Variants in EVC2 observed in about 807,000 individuals in gnomAD.
EVC2 encodes the protein EvC ciliary complex subunit 2, also known as limbin.
A neutral mutation model predicts 149.3 loss-of-function variants in EVC2; 148 were observed. The ratio of observed to expected loss-of-function variants is 0.99; its 90% CI spans 0.87 to 1.14. The LOEUF (loss-of-function observed/expected upper bound fraction) is 1.14, where lower values mean the gene tolerates loss of function less well. Ranked by LOEUF, EVC2 falls within the 50% of genes most tolerant of loss-of-function variation. The pLI is 0.00. For synonymous variants in EVC2, 776 were observed against 649.9 expected, an observed-to-expected ratio of 1.19 and a Z score of -2.95; for missense variants, 1,854 against 1,627.3, an observed-to-expected ratio of 1.14 and a Z score of -2.40.
At chr4:5,591,145 T>A (rs1424400591) in intron 16 of EVC2, among the ~76,000 whole-genome samples, 1 of 152,208 alleles carries the variant, frequency 6.6e-6, no homozygotes, top group Non-Finnish European at 1.5e-5. Context: ...CACTTGTGCA[T>A]GTTTCTCGTT....
intron 16 of EVC2, among the ~76,000 whole-genome samples, chr4:5,588,557 T>C (rs368204268): frequency 7.2e-5 from 11 of 152,288 alleles, no homozygotes; most frequent in African/African-American, 2.6e-4. Flanking sequence ...AGTTGTCTCA[T>C]GGCTCACTTT....
chr4:5,678,725 T>C (rs1351419669), intron 7 of EVC2, among the ~76,000 whole-genome samples: 2 of 152,196 alleles, frequency 1.3e-5, no homozygotes, highest in Non-Finnish European at 2.9e-5. Flanking sequence ...ACGTACTAAG[T>C]ATTTGTATAT....
chr4:5,544,182 A>G (rs1577086015), intron 21 of EVC2, among the ~76,000 whole-genome samples: 1 of 152,084 alleles, frequency 6.6e-6, no homozygotes, highest in South Asian at 2.1e-4. Context: ...GACAGGGCTT[A>G]CCTGGCCACA....
intron 20 of EVC2, among the ~76,000 whole-genome samples, chr4:5,568,054 C>T (rs1458164134): frequency 6.6e-6 from 1 of 152,168 alleles, no homozygotes; most frequent in Non-Finnish European, 1.5e-5. Context: ...ACATGCACAA[C>T]ACACTCACAC....
In EVC2 at chr4:5,685,474, C is replaced by A. The variant is rs1720638557; in HGVS notation, c.712G>T (p.Asp238Tyr). Residue 238 changes from aspartate (D) to tyrosine (Y), a missense_variant, in exon 6 of 22, where the codon GAT (aspartate) becomes TAT (tyrosine). Transcript: ENST00000344408. The stretch of plus-strand genomic sequence containing the variant: ...GCTGCGTAGCTGACAGCAAAGGCAT[C>A]TCCCACTGCGCAGAGAAAAGCACAT... Reference protein sequence around the residue: ...AFSKKFLQVGDAFAVSYAATL... With the variant: ...AFSKKFLQVGYAFAVSYAATL... The A allele has an allele frequency of 6.2e-7, 1 of 1,613,984 alleles. No individual in the cohort carries two copies. The highest frequency in any genetic ancestry group is 8.5e-7 in the Non-Finnish European group (1 of 1,180,000).
chr4:5,703,243 T>A (rs906473137), intron 1 of EVC2, among the ~76,000 whole-genome samples: 1 of 152,232 alleles, frequency 6.6e-6, no homozygotes, highest in Non-Finnish European at 1.5e-5. Flanking sequence ...CTGCATATCA[T>A]TGTAACTATT....
chr4:5,536,037 C>G, the EVC2 span, among the ~76,000 whole-genome samples: 9 of 151,930 alleles, frequency 5.9e-5, no homozygotes, highest in African/African-American at 2.2e-4. Context: ...ACAGGCCCAT[C>G]TGCTTGGATT....
chr4:5,623,212 T>G (rs142248443), intron 13 of EVC2, among the ~76,000 whole-genome samples: 1 of 152,210 alleles, frequency 6.6e-6, no homozygotes, highest in Non-Finnish European at 1.5e-5. Flanking sequence ...CTCGGCTCAC[T>G]GCAATCTCCA....
intron 6 of EVC2, among the ~76,000 whole-genome samples, chr4:5,684,414 T>C (rs913074548): frequency 2.6e-5 from 4 of 152,234 alleles, no homozygotes; most frequent in Non-Finnish European, 1.5e-5. Context: ...GATTCTGTTA[T>C]GTGACCTGGG....
At chr4:5,580,417 T>C (rs1222541503) in intron 17 of EVC2, among the ~76,000 whole-genome samples, 1 of 152,252 alleles carries the variant, frequency 6.6e-6, no homozygotes, top group Non-Finnish European at 1.5e-5. Context: ...AAAAGAGTTT[T>C]AGGATAAAAT....
Position 5,686,141 on chromosome 4 carries a change from G to A in EVC2, c.707-662C>T, listed in dbSNP as rs1489847684. 7.5e-6 allele frequency among the ~76,000 whole-genome samples: 1 copy of A among 132,752 alleles called. No homozygotes were observed. The highest frequency in any genetic ancestry group is 1.6e-5 in the Non-Finnish European group (1 of 62,672). 87.1% of individuals were successfully genotyped at this position (132,752 alleles called of 152,430 possible). A position where few individuals can be genotyped will look rare whatever the true frequency, so the allele number is the denominator to read the frequency against. On this transcript the variant is annotated intron_variant, in intron 5 of 21. Coordinates refer to ENST00000344408, the MANE Select transcript of EVC2 (RefSeq NM_147127.5). This position sits in a 1 kb window ranked among gnomAD's most constrained non-coding sequence, Gnocchi z 5.4. ...ACACACACACACAGAGTAAAGAAAA[G>A]AGGAGGAACGCTCACTTAGCCTAAG...
chr4:5,602,395 G>A (rs1714058517), intron 16 of EVC2, among the ~76,000 whole-genome samples: 2 of 150,904 alleles, frequency 1.3e-5, no homozygotes, highest in African/African-American at 4.9e-5. Flanking sequence ...ATTAACTCCA[G>A]GAAAACCAAA....
intron 10 of EVC2, among the ~76,000 whole-genome samples, chr4:5,638,847 C>T (rs1489803575): frequency 6.6e-6 from 1 of 152,090 alleles, no homozygotes; most frequent in African/African-American, 2.4e-5. Context: ...ACACCCGGAG[C>T]CACCAGAAGC....
Position 5,613,278 on chromosome 4 carries a change from G to T in EVC2, c.2829+2144C>A, listed in dbSNP as rs575923847. Among the ~76,000 whole-genome samples the T allele has an allele frequency of 6.6e-6, 1 of 152,148 alleles. No individual in the cohort carries two copies. The highest frequency in any genetic ancestry group is 1.5e-5 in the Non-Finnish European group (1 of 68,032). ...GGCTTCAACCCTCTGGGTTCCCTCT[G>T]TGCACTGTGGCCTCCAGCACAGTCC... On this transcript the variant is annotated intron_variant, in intron 16 of 21. Transcript: ENST00000344408. This position sits in a 1 kb window ranked among gnomAD's most constrained non-coding sequence, Gnocchi z 4.6.
chr4:5,585,956 G>A lies in EVC2; in HGVS notation c.2830-1106C>T, dbSNP rs139297240. Among the ~76,000 whole-genome samples, 417 of 152,204 alleles carry A rather than the reference G, an allele frequency of 2.7e-3. 2 individuals are homozygous for A. Among genetic ancestry groups the A allele is most frequent in the African/African-American group, 9.0e-3 (373 of 41,526 alleles). On this transcript the variant is annotated intron_variant, in intron 16 of 21. Coordinates refer to ENST00000344408, the MANE Select transcript of EVC2 (RefSeq NM_147127.5). ...GGCTCACTGCAACCTCCACCTCCTGGGTTCAAGTGATTTTCCTGCCTCAGC... is the reference window on the plus strand; with the variant it reads ...GGCTCACTGCAACCTCCACCTCCTGAGTTCAAGTGATTTTCCTGCCTCAGC...
At chr4:5,552,909 A>G (rs1435462245) in intron 21 of EVC2, among the ~76,000 whole-genome samples, 2 of 152,234 alleles carry the variant, frequency 1.3e-5, no homozygotes, top group Non-Finnish European at 2.9e-5. Context: ...CAGAGCAGGA[A>G]AAGAGGCACG....
chr4:5,629,270 T>C (rs1716355752), intron 11 of EVC2, among the ~76,000 whole-genome samples: 1 of 152,246 alleles, frequency 6.6e-6, no homozygotes, highest in Admixed American at 6.5e-5. Context: ...GTGTGTTCTC[T>C]GGACCTAACA....
chr4:5,703,977 C>T (rs1030123428), intron 1 of EVC2, among the ~76,000 whole-genome samples: 2 of 152,036 alleles, frequency 1.3e-5, no homozygotes, highest in Non-Finnish European at 2.9e-5. Context: ...TGCAAGGGCC[C>T]TGAGGTGGGA....
chr4:5,543,597 G>A (rs1217873445), intron 21 of EVC2, among the ~76,000 whole-genome samples: 1 of 152,148 alleles, frequency 6.6e-6, no homozygotes, highest in African/African-American at 2.4e-5. Flanking sequence ...CCAGGGGGAC[G>A]AGGAAGAGAG....
Sources: gnomAD v4.1 joint callset for allele counts (sites outside exome capture counted in the v4.1 genomes callset) on GRCh38, gnomAD v4.1.1 for gene constraint, Gnocchi (gnomAD v3.1) non-coding constraint, MANE v1.5 for transcripts, NCBI Gene and HGNC (gene_info 2026-07-23, HGNC 2026-07-21) for gene names.